Variants in SLC6A13 observed in about 807,000 individuals in gnomAD.
SLC6A13 encodes sodium- and chloride-dependent GABA transporter 2.
Under a neutral mutation model 72.9 loss-of-function variants are expected in SLC6A13, and 69 were observed. That is an observed-to-expected ratio of 0.95 (90% CI 0.78 to 1.16). The LOEUF is 1.16. Ranked by LOEUF, SLC6A13 falls within the 50% of genes most tolerant of loss-of-function variation. The pLI is 0.00. For synonymous variants in SLC6A13, 303 were observed against 303.0 expected, an observed-to-expected ratio of 1.00 and a Z score of 0.00; for missense variants, 735 against 760.5, an observed-to-expected ratio of 0.97 and a Z score of 0.39.
rs1310408845 is a variant in SLC6A13 at position 221,391 on chromosome 12, C to T, written c.1671G>A (p.Lys557=). ...AWSLYRLGTL[K]GPFRERIRQL... is the part of the protein sequence containing the mutation. ...AAGGCCCTACCTCTCTGAAGGGGCC[C>T]TTGAGGGTTCCGAGTCTGTAGAGGC... The change falls in exon 14 of 15, where the codon AAG becomes AAA. Residue 557 remains lysine (K), a synonymous_variant. Transcript: ENST00000343164. 8 of 1,602,998 alleles carry T rather than the reference C, an allele frequency of 5.0e-6. No homozygotes were observed. Among genetic ancestry groups the T allele is most frequent in the Non-Finnish European group, 6.8e-6 (8 of 1,174,846 alleles).
At chr12:249,447 A>C (rs770010346) in intron 2 of SLC6A13, among the ~76,000 whole-genome samples, 1 of 152,156 alleles carries the variant, frequency 6.6e-6, no homozygotes, top group Non-Finnish European at 1.5e-5. Flanking sequence ...ATGTATCCTC[A>C]GTAAAGATTC....
At chr12:221,794 A>G (rs1223122503) in intron 13 of SLC6A13, among the ~76,000 whole-genome samples, 1 of 152,218 alleles carries the variant, frequency 6.6e-6, no homozygotes, top group Admixed American at 6.5e-5. Flanking sequence ...ACTCCCAGGT[A>G]GGATGTGATC....
intron 1 of SLC6A13, among the ~76,000 whole-genome samples, chr12:260,290 G>A (rs781070216): frequency 2.6e-5 from 4 of 152,216 alleles, no homozygotes; most frequent in Non-Finnish European, 5.9e-5. Flanking sequence ...GGTACTGACA[G>A]ACAGCCTTTG....
intron 1 of SLC6A13, among the ~76,000 whole-genome samples, chr12:260,647 T>C (rs145193300): frequency 1.4e-3 from 220 of 152,148 alleles, no homozygotes; most frequent in Non-Finnish European, 2.5e-3. Context: ...ATTCATATAA[T>C]GGACTACTAT....
chr12:238,268 G>C, intron 4 of SLC6A13: 1 of 1,466,364 alleles, frequency 6.8e-7, no homozygotes, highest in Non-Finnish European at 9.1e-7. Flanking sequence ...GATGGCAACA[G>C]GAAAGGTGCT....
Position 259,708 on chromosome 12 carries a change from A to G in SLC6A13, c.202+143T>C. On this transcript the variant is annotated intron_variant, in intron 2 of 14. Coordinates refer to ENST00000343164, the MANE Select transcript of SLC6A13 (RefSeq NM_016615.5). ...CTTTCTAGGTCTTAGTCTCTTACAG[A>G]GTGTCCTTAATGACCTCTAAGCGTC... 3.2e-6 allele frequency: 5 copies of G among 1,561,804 alleles called. No homozygotes were observed. In the South Asian group the frequency reaches 5.9e-5, roughly 18 times the overall value.
intron 4 of SLC6A13, among the ~76,000 whole-genome samples, chr12:241,473 G>A (rs1202641966): frequency 7.9e-5 from 12 of 152,200 alleles, no homozygotes; most frequent in South Asian, 2.1e-4. Context: ...CATGCCGTCC[G>A]ACAGGGCAGC....
chr12:226,363 C>T, intron 9 of SLC6A13, 27 bp downstream of exon 9: 1 of 1,613,086 alleles, frequency 6.2e-7, no homozygotes, highest in Non-Finnish European at 8.5e-7. Flanking sequence ...AGGCTCACTG[C>T]CTCCAGGCCT....
Position 242,744 on chromosome 12 carries a change from A to G in SLC6A13, c.348T>C (p.Tyr116=). 2 of 1,587,264 alleles carry G rather than the reference A, an allele frequency of 1.3e-6. No homozygotes were observed. The highest frequency in any genetic ancestry group is 4.6e-5 in the East Asian group (2 of 43,862). The change falls in exon 4 of 15, where the codon TAT becomes TAC. Residue 116 remains tyrosine (Y), a synonymous_variant. Transcript: ENST00000343164. Reference sequence around the variant, plus strand: ...GGAGGATGACGATCATCTGGGAGGCATAGCCAATGCCTGCGGGGAAACTGC... The same window carrying G: ...GGAGGATGACGATCATCTGGGAGGCGTAGCCAATGCCTGCGGGGAAACTGC... ...KICPIFEGIG[Y]ASQMIVILLN...
At chr12:252,914 G>A (rs1399788016) in intron 2 of SLC6A13, among the ~76,000 whole-genome samples, 1 of 152,238 alleles carries the variant, frequency 6.6e-6, no homozygotes, top group African/African-American at 2.4e-5. Context: ...ACACCTGCAA[G>A]GAGGGGCTAC....
At chr12:223,323 G>T in intron 11 of SLC6A13, 89 bp from the exon 12 acceptor site, 1 of 736,394 alleles carries the variant, frequency 1.4e-6, no homozygotes, top group Non-Finnish European at 2.3e-6. Flanking sequence ...ACACGGTGGA[G>T]GCACAGAGCA....
chr12:258,999 C>T (rs1309756189), intron 2 of SLC6A13: 1 of 985,182 alleles, frequency 1.0e-6, no homozygotes, highest in African/African-American at 1.7e-5. Context: ...TTATCAACGT[C>T]ATCATCAGCA....
chr12:229,660 T>A (rs1941622747), intron 7 of SLC6A13, among the ~76,000 whole-genome samples: 1 of 152,100 alleles, frequency 6.6e-6, no homozygotes, highest in Non-Finnish European at 1.5e-5. Flanking sequence ...CCCAAAAAGG[T>A]CATTCAGGGT....
intron 2 of SLC6A13, among the ~76,000 whole-genome samples, chr12:251,649 ACT>A (rs1173310874): frequency 2.6e-5 from 4 of 152,194 alleles, no homozygotes; most frequent in African/African-American, 7.2e-5. Flanking sequence ...TTCTAAAGAC[ACT>A]GTTAGAAACA....
chr12:237,889 A>T, intron 5 of SLC6A13, 37 bp downstream of exon 5: 5 of 1,464,492 alleles, frequency 3.4e-6, no homozygotes, highest in Non-Finnish European at 4.8e-6. Context: ...TCTTCTGAAC[A>T]CACGGCCCAC....
chr12:228,299 A>G (rs1009101259), intron 7 of SLC6A13, among the ~76,000 whole-genome samples: 5 of 152,162 alleles, frequency 3.3e-5, no homozygotes, highest in African/African-American at 1.2e-4. Flanking sequence ...CAGCCCGTGC[A>G]TGTTATGATT....
chr12:249,235 A>T (rs2137307781), intron 2 of SLC6A13, among the ~76,000 whole-genome samples: 1 of 152,234 alleles, frequency 6.6e-6, no homozygotes, highest in African/African-American at 2.4e-5. Context: ...GGTGTAGTTA[A>T]GAAAAAAAGA....
intron 9 of SLC6A13, among the ~76,000 whole-genome samples, chr12:226,161 G>A (rs374803253): frequency 3.9e-5 from 6 of 152,298 alleles, no homozygotes; most frequent in African/African-American, 1.4e-4. Context: ...TGCTTCCAGG[G>A]TAATGAACTG....
intron 2 of SLC6A13, among the ~76,000 whole-genome samples, chr12:256,195 G>T (rs1300482396): frequency 1.4e-4 from 22 of 152,136 alleles, no homozygotes; most frequent in Non-Finnish European, 1.5e-5. Flanking sequence ...TAGAATGTAT[G>T]CCCTATGAGG....
Sources: gnomAD v4.1 joint callset for allele counts (sites outside exome capture counted in the v4.1 genomes callset) on GRCh38, gnomAD v4.1.1 for gene constraint, MANE v1.5 for transcripts, NCBI Gene and HGNC (gene_info 2026-07-23, HGNC 2026-07-21) for gene names.